Variants in DGKI observed in about 807,000 individuals in gnomAD.
The protein encoded by DGKI is DAG kinase iota.
A neutral mutation model predicts 147.5 loss-of-function variants in DGKI; 55 were observed. The ratio of observed to expected loss-of-function variants is 0.37; its 90% CI spans 0.30 to 0.47. The LOEUF (loss-of-function observed/expected upper bound fraction) is 0.47, where lower values mean the gene tolerates loss of function less well. DGKI is among the 20% of genes least tolerant of loss of function. The pLI is 1.00. For synonymous variants in DGKI, 469 were observed against 477.1 expected (o/e 0.98, Z 0.22); for missense variants, 1,007 against 1,323.8 (o/e 0.76, Z 3.71).
chr7:137,714,025 A>G (rs1370522977), intron 1 of DGKI, among the ~76,000 whole-genome samples: 1 of 152,164 alleles, frequency 6.6e-6, no homozygotes, highest in East Asian at 1.9e-4. Context: ...GACATTATTG[A>G]CCCATAGTCC....
intron 6 of DGKI, among the ~76,000 whole-genome samples, chr7:137,642,958 G>GTGTGTC (rs1387765960): frequency 6.6e-6 from 1 of 151,132 alleles, no homozygotes; most frequent in East Asian, 1.9e-4. Context: ...GTGTGTGTGT[G>GTGTGTC]TGTGTGTGTG....
At chr7:137,471,865 T>C (rs1216294626) in intron 23 of DGKI, among the ~76,000 whole-genome samples, 1 of 147,276 alleles carries the variant, frequency 6.8e-6, no homozygotes, top group African/African-American at 2.5e-5. Context: ...AGATACTATA[T>C]AATATATACA....
At chr7:137,605,380 A>AAAATAAAATAAAATAAAATAAAATAAAAT (rs1563108336) in intron 10 of DGKI, among the ~76,000 whole-genome samples, 1 of 128,686 alleles carries the variant, frequency 7.8e-6, no homozygotes, top group African/African-American at 3.1e-5. Flanking sequence ...TAAAATAAAA[A>AAAATAAAATAAAATAAAATAAAATAAAAT]AAGTTGAAAT....
chr7:137,639,167 TTCAA>T (rs1380253943), intron 6 of DGKI, among the ~76,000 whole-genome samples: 1 of 152,214 alleles, frequency 6.6e-6, no homozygotes, highest in African/African-American at 2.4e-5. Context: ...TAGTTTATAC[TTCAA>T]TCAAATTCAG....
chr7:137,528,637 T>C (rs1249546534), intron 20 of DGKI, among the ~76,000 whole-genome samples: 1 of 152,192 alleles, frequency 6.6e-6, no homozygotes, highest in Admixed American at 6.5e-5. Context: ...CCAGCCCTTC[T>C]TATAAGATCA....
At chr7:137,820,271 T>A (rs1485567616) in intron 1 of DGKI, among the ~76,000 whole-genome samples, 1 of 152,166 alleles carries the variant, frequency 6.6e-6, no homozygotes, top group Non-Finnish European at 1.5e-5. Flanking sequence ...GAGGCCCCAA[T>A]CAGCACACTT....
rs1359203161 is a variant in DGKI, at chr7:137,528,477, C to A, written c.2148-6511G>T. Among the ~76,000 whole-genome samples, 3 of 152,136 alleles carry A rather than the reference C, an allele frequency of 2.0e-5. No individual in the cohort carries two copies. In the East Asian group the frequency reaches 5.8e-4, roughly 29 times the overall value. On this transcript the variant is annotated intron_variant, in intron 20 of 32. Coordinates refer to ENST00000614521, the MANE Select transcript of DGKI (RefSeq NM_001321708.2). ...AGCAATCAGTCATGCACTCCCACTG[C>A]CCAACATGTTTTCCTGGAGAAAGTA...
Position 137,388,758 on chromosome 7 carries a change from G to A in DGKI, c.*2462C>T, listed in dbSNP as rs941987839. The stretch of plus-strand genomic sequence containing the variant: ...TAGTGGTACTTGCTTTTTTCAAAGC[G>A]ATATATCAAATATTGGTCTCCATGA... On this transcript the variant is annotated 3_prime_UTR_variant, in exon 33 of 33. Coordinates refer to ENST00000614521, the MANE Select transcript of DGKI (RefSeq NM_001321708.2). 2.7e-5 allele frequency: 4 copies of A among 150,836 alleles called. No individual in the cohort carries two copies. The highest frequency in any genetic ancestry group is 7.3e-5 in the African/African-American group (3 of 41,080). 9.3% of individuals were successfully genotyped at this position (150,836 alleles called of 1,614,324 possible). A position where few individuals can be genotyped will look rare whatever the true frequency, so the allele number is the denominator to read the frequency against.
At chr7:137,657,070 C>T (rs941179974) in intron 3 of DGKI, among the ~76,000 whole-genome samples, 2 of 152,200 alleles carry the variant, frequency 1.3e-5, no homozygotes, top group Non-Finnish European at 2.9e-5. Flanking sequence ...TAAGTTACTT[C>T]GGTTTCTGCC....
At chr7:137,830,291 T>G (rs1259188907) in intron 1 of DGKI, among the ~76,000 whole-genome samples, 1 of 152,194 alleles carries the variant, frequency 6.6e-6, no homozygotes, top group Admixed American at 6.5e-5. Flanking sequence ...CCCAAAGCTA[T>G]GCCTATGGTA....
At chr7:137,409,114 T>G (rs1018850951) in intron 29 of DGKI, among the ~76,000 whole-genome samples, 6 of 152,170 alleles carry the variant, frequency 3.9e-5, no homozygotes, top group Admixed American at 1.3e-4. Context: ...TGTTGAACAT[T>G]CCCAACATAA....
intron 1 of DGKI, among the ~76,000 whole-genome samples, chr7:137,837,330 T>C (rs1236703911): frequency 9.9e-5 from 15 of 152,196 alleles, no homozygotes; most frequent in Non-Finnish European, 2.9e-5. Context: ...AAAAGCTTTT[T>C]CCTTCTCTGA....
At chr7:137,650,380 C>T (rs1821981661) in intron 5 of DGKI, among the ~76,000 whole-genome samples, 1 of 152,128 alleles carries the variant, frequency 6.6e-6, no homozygotes, top group Middle Eastern at 3.4e-3. Flanking sequence ...ATACAAAGTG[C>T]CCTGAAAAGA....
At chr7:137,818,279 C>G (rs1585529730) in intron 1 of DGKI, among the ~76,000 whole-genome samples, 1 of 152,134 alleles carries the variant, frequency 6.6e-6, no homozygotes, top group African/African-American at 2.4e-5. Flanking sequence ...TAAGCATAAA[C>G]TAATATTTAG....
intron 6 of DGKI, among the ~76,000 whole-genome samples, chr7:137,638,832 T>C (rs1204413582): frequency 6.6e-6 from 1 of 151,472 alleles, no homozygotes; most frequent in African/African-American, 2.4e-5. Context: ...TTATATGCCT[T>C]ATTAATTTAA....
At chr7:137,524,061 G>T (rs1033281873) in intron 20 of DGKI, among the ~76,000 whole-genome samples, 1 of 148,608 alleles carries the variant, frequency 6.7e-6, no homozygotes, top group Non-Finnish European at 1.5e-5. Context: ...AGAGTCTGAT[G>T]ATCTCTGTGT....
At chr7:137,761,408 T>C (rs567388642) in intron 1 of DGKI, among the ~76,000 whole-genome samples, 5 of 152,332 alleles carry the variant, frequency 3.3e-5, no homozygotes, top group Non-Finnish European at 7.4e-5. Flanking sequence ...TTGACGTAAA[T>C]AGCAGGGGCT....
intron 1 of DGKI, among the ~76,000 whole-genome samples, chr7:137,733,766 A>C (rs1286285712): frequency 6.6e-6 from 1 of 152,064 alleles, no homozygotes; most frequent in Non-Finnish European, 1.5e-5. Context: ...TATTAGAGTG[A>C]AAAAAGAGTT....
intron 3 of DGKI, among the ~76,000 whole-genome samples, chr7:137,677,824 C>CT (rs1301660492): frequency 6.6e-6 from 1 of 152,118 alleles, no homozygotes; most frequent in Non-Finnish European, 1.5e-5. Flanking sequence ...CTAAGCTTCC[C>CT]ATTACTGTCT....
Sources: allele counts gnomAD v4.1 joint callset (sites outside exome capture counted in the v4.1 genomes callset), GRCh38; gene constraint gnomAD v4.1.1; transcripts MANE v1.5; gene names NCBI Gene and HGNC (gene_info 2026-07-23, HGNC 2026-07-21).